ASTN2: variants seen among roughly 807,000 people sequenced by gnomAD.
ASTN2 encodes the protein astrotactin 2.
ASTN2 carries 54 observed loss-of-function variants against 139.8 expected under a neutral mutation model. The observed-to-expected ratio is 0.39, with a 90% CI of 0.31 to 0.48. The LOEUF (loss-of-function observed/expected upper bound fraction) is 0.48. Ranked by LOEUF, ASTN2 falls within the 20% of genes least tolerant of loss-of-function variation. The probability of loss-of-function intolerance (pLI) is 0.95; values close to 1 mark genes in which losing one functional copy is unlikely to be tolerated. For missense variants in ASTN2, 1,565 were observed against 1,725.1 expected (o/e 0.91, Z 1.64); for synonymous variants, 756 against 719.5 (o/e 1.05, Z -0.81).
chr9:117,011,997 G>A (rs913487230), intron 6 of ASTN2, among the ~76,000 whole-genome samples: 5 of 152,062 alleles, frequency 3.3e-5, no homozygotes, highest in East Asian at 3.9e-4. Flanking sequence ...CTCATAGACC[G>A]TGATTTCCTA....
intron 10 of ASTN2, among the ~76,000 whole-genome samples, chr9:116,945,549 A>G (rs975957272): frequency 1.3e-5 from 2 of 152,110 alleles, no homozygotes; most frequent in African/African-American, 2.4e-5. Context: ...TCTAGCCTAC[A>G]GTCACATTTC....
chr9:117,162,792 C>T (rs1398956262), intron 3 of ASTN2, among the ~76,000 whole-genome samples: 3 of 151,988 alleles, frequency 2.0e-5, no homozygotes, highest in Admixed American at 6.6e-5. Context: ...TCCTAAATTC[C>T]GTGGAATAAG....
At chr9:117,222,974 C>G (rs1306326584) in intron 2 of ASTN2, among the ~76,000 whole-genome samples, 1 of 152,076 alleles carries the variant, frequency 6.6e-6, no homozygotes, top group East Asian at 1.9e-4. Context: ...GGGGCAATTC[C>G]CAATAAACCA....
At chr9:116,447,999 C>T (rs926187315) in intron 20 of ASTN2, among the ~76,000 whole-genome samples, 3 of 152,202 alleles carry the variant, frequency 2.0e-5, no homozygotes, top group African/African-American at 7.2e-5. Flanking sequence ...GAGCTTCTCA[C>T]AGATCTGACA....
intron 10 of ASTN2, among the ~76,000 whole-genome samples, chr9:116,935,656 A>T (rs190881228): frequency 6.6e-6 from 1 of 152,318 alleles, no homozygotes; most frequent in East Asian, 1.9e-4. Context: ...TTCCATTTCC[A>T]TCCTTTACTT....
At chr9:116,616,611 T>G (rs1255148971) in intron 19 of ASTN2, among the ~76,000 whole-genome samples, 1 of 151,972 alleles carries the variant, frequency 6.6e-6, no homozygotes, top group Non-Finnish European at 1.5e-5. Context: ...ACATTGTTTT[T>G]TATTTGTTTG....
chr9:117,284,133 G>A (rs1834390791), intron 2 of ASTN2, among the ~76,000 whole-genome samples: 1 of 152,120 alleles, frequency 6.6e-6, no homozygotes, highest in African/African-American at 2.4e-5. Context: ...AAATGAGGTT[G>A]TTAGGGTGGG....
At chr9:117,020,702 A>G (rs1837854989) in intron 6 of ASTN2, among the ~76,000 whole-genome samples, 1 of 152,146 alleles carries the variant, frequency 6.6e-6, no homozygotes, top group Non-Finnish European at 1.5e-5. Flanking sequence ...CTGGTGTCTC[A>G]TCTACCTAGG....
chr9:116,726,078 T>C, intron 15 of ASTN2, 128 bp from the exon 16 acceptor site: 1 of 774,932 alleles, frequency 1.3e-6, no homozygotes, highest in Non-Finnish European at 2.0e-6. Context: ...GGCAGCTTGG[T>C]GGCTGCACTA....
intron 5 of ASTN2, among the ~76,000 whole-genome samples, chr9:117,078,176 T>A (rs1828330482): frequency 6.6e-6 from 1 of 152,226 alleles, no homozygotes; most frequent in Non-Finnish European, 1.5e-5. Context: ...CTGTAGAGCA[T>A]CAGAGCTAGA....
chr9:117,001,998 T>A (rs1054009616), intron 7 of ASTN2, among the ~76,000 whole-genome samples: 1 of 152,214 alleles, frequency 6.6e-6, no homozygotes, highest in East Asian at 1.9e-4. Flanking sequence ...TGAATTGAAC[T>A]AAATTTTACA....
chr9:117,146,237 C>T (rs542480370), intron 3 of ASTN2, among the ~76,000 whole-genome samples: 8 of 152,208 alleles, frequency 5.3e-5, no homozygotes, highest in South Asian at 2.1e-4. Flanking sequence ...CTCCCCAGAG[C>T]GGCAAAATGC....
intron 10 of ASTN2, among the ~76,000 whole-genome samples, chr9:116,972,521 G>A (rs1165937850): frequency 6.6e-6 from 1 of 152,054 alleles, no homozygotes; most frequent in Non-Finnish European, 1.5e-5. Context: ...TGAAACTGAT[G>A]AGCTATAGAA....
intron 1 of ASTN2, among the ~76,000 whole-genome samples, chr9:117,390,652 C>T (rs928249576): frequency 6.6e-6 from 1 of 152,146 alleles, no homozygotes; most frequent in Admixed American, 6.5e-5. Flanking sequence ...AAGGCTCCTC[C>T]ATGTCTTTTT....
chr9:117,381,311 C>T (rs187449496), intron 1 of ASTN2, among the ~76,000 whole-genome samples: 1 of 152,064 alleles, frequency 6.6e-6, no homozygotes. Flanking sequence ...GTGATAGTGG[C>T]ACAAGTGATA....
chr9:116,770,115 A>C (rs573599379), intron 13 of ASTN2, among the ~76,000 whole-genome samples: 3 of 151,784 alleles, frequency 2.0e-5, no homozygotes, highest in Admixed American at 2.0e-4. Flanking sequence ...AAAAAAAAAA[A>C]AAAACTAAAA....
intron 1 of ASTN2, among the ~76,000 whole-genome samples, chr9:117,399,157 G>A (rs1830756040): frequency 6.6e-6 from 1 of 152,158 alleles, no homozygotes; most frequent in East Asian, 1.9e-4. Context: ...ATATTAAAGA[G>A]AAATGATGTT....
chr9:116,813,810 G>A (rs182309200), intron 12 of ASTN2, among the ~76,000 whole-genome samples: 92 of 152,066 alleles, frequency 6.0e-4, no homozygotes, highest in Admixed American at 1.3e-4. Context: ...TGAGACTGGC[G>A]GATCACCTGA....
chr9:116,577,455 G>T (rs1445137776), intron 19 of ASTN2, among the ~76,000 whole-genome samples: 1 of 107,108 alleles, frequency 9.3e-6, no homozygotes. Context: ...ACTTGAGCCC[G>T]GGGGAGGTCA....
Sources: allele counts gnomAD v4.1 joint callset (sites outside exome capture counted in the v4.1 genomes callset), GRCh38; gene constraint gnomAD v4.1.1; transcripts MANE v1.5; gene names NCBI Gene and HGNC (gene_info 2026-07-23, HGNC 2026-07-21).